CD36: variants seen among roughly 807,000 people sequenced by gnomAD.
The protein encoded by CD36 is CD36 molecule (CD36 blood group).
Under a neutral mutation model 55.2 loss-of-function variants are expected in CD36, and 119 were observed. That is an observed-to-expected ratio of 2.15 (90% confidence interval 1.86 to 2.51). CD36 has a LOEUF of 2.51. Ranked by LOEUF, CD36 falls within the 30% of genes most tolerant of loss-of-function variation. The pLI is 0.00. For synonymous variants in CD36, 186 were observed against 193.6 expected (o/e 0.96, Z 0.33); for missense variants, 819 against 555.5 (o/e 1.47, Z -4.77).
chr7:80,612,430 A>G (rs1369590476), intron 1 of CD36, among the ~76,000 whole-genome samples: 1 of 152,248 alleles, frequency 6.6e-6, no homozygotes, highest in Non-Finnish European at 1.5e-5. Context: ...TATATAAAAT[A>G]CAATGAAATG....
intron 1 of CD36, among the ~76,000 whole-genome samples, chr7:80,618,069 T>A (rs1400093772): frequency 2.0e-5 from 3 of 152,204 alleles, no homozygotes; most frequent in Non-Finnish European, 4.4e-5. Flanking sequence ...TGGTTTTTTT[T>A]ACACTGTTTC....
intron 10 of CD36, among the ~76,000 whole-genome samples, chr7:80,671,551 T>C (rs1005216557): frequency 3.9e-5 from 6 of 152,090 alleles, no homozygotes; most frequent in Non-Finnish European, 8.8e-5. Flanking sequence ...CTAACTTTTT[T>C]CACTAGAAAA....
intron 1 of CD36, among the ~76,000 whole-genome samples, chr7:80,612,058 C>G (rs1792903808): frequency 6.6e-6 from 1 of 152,216 alleles, no homozygotes; most frequent in Non-Finnish European, 1.5e-5. Context: ...ACAGCAAGAC[C>G]TAGCTAATAA....
intron 7 of CD36, among the ~76,000 whole-genome samples, chr7:80,665,274 C>T (rs1452056421): frequency 6.6e-6 from 1 of 151,438 alleles, no homozygotes; most frequent in African/African-American, 2.4e-5. Flanking sequence ...AGGAAGAACC[C>T]TAATAAATAT....
At chr7:80,669,862 A>G (rs1239493974) in intron 8 of CD36, 91 bp from the exon 9 acceptor site, 21 of 882,502 alleles carry the variant, frequency 2.4e-5, no homozygotes, top group Admixed American at 5.1e-5. Context: ...TTTGCATTAC[A>G]TTTCTATGGA....
intron 1 of CD36, among the ~76,000 whole-genome samples, chr7:80,620,955 A>G (rs1459621693): frequency 6.6e-6 from 1 of 152,216 alleles, no homozygotes; most frequent in African/African-American, 2.4e-5. Context: ...TACTTTGGGT[A>G]AAATGTTATC....
intron 1 of CD36, among the ~76,000 whole-genome samples, chr7:80,640,502 G>T (rs1309390328): frequency 1.3e-5 from 2 of 151,932 alleles, no homozygotes; most frequent in African/African-American, 4.8e-5. Context: ...AGAGAAAACT[G>T]TATCACAGAC....
At chr7:80,641,397 A>T (rs947391156) in intron 1 of CD36, among the ~76,000 whole-genome samples, 4 of 152,090 alleles carry the variant, frequency 2.6e-5, no homozygotes, top group African/African-American at 7.2e-5. Flanking sequence ...TTCTATACTC[A>T]TGCAAACCGT....
intron 1 of CD36, among the ~76,000 whole-genome samples, chr7:80,617,007 A>T (rs959542751): frequency 1.3e-5 from 2 of 152,206 alleles, no homozygotes; most frequent in Non-Finnish European, 2.9e-5. Flanking sequence ...TTGTGGCTAA[A>T]ACTAATCAAT....
At chr7:80,617,395 A>G (rs1422967549) in intron 1 of CD36, among the ~76,000 whole-genome samples, 2 of 152,092 alleles carry the variant, frequency 1.3e-5, no homozygotes, top group East Asian at 3.9e-4. Flanking sequence ...AAAAAAAATA[A>G]AATATATGTA....
rs751314404 is a variant in CD36 at position 80,671,948 on chromosome 7, C to T, written c.1033C>T (p.His345Tyr). ...GAGACCTGTGTACATTTCACTTCCT[C>T]ATTTTCTGTATGCAAGTCCTGATGT... ...EGRPVYISLPHFLYASPDVSE... is the reference protein window; with the variant it reads ...EGRPVYISLPYFLYASPDVSE... The change falls in exon 11 of 15, where the codon CAT becomes TAT. Residue 345 changes from histidine to tyrosine, a missense_variant. Transcript: ENST00000447544. 6.2e-7 allele frequency: 1 copy of T among 1,611,406 alleles called. No homozygotes were observed. Among genetic ancestry groups the T allele is most frequent in the East Asian group, 2.2e-5 (1 of 44,674 alleles).
At chr7:80,652,470 T>C (rs1452992055) in intron 3 of CD36, among the ~76,000 whole-genome samples, 2 of 152,220 alleles carry the variant, frequency 1.3e-5, no homozygotes, top group African/African-American at 4.8e-5. Flanking sequence ...TCTGCATAAC[T>C]GTCACTACAA....
At chr7:80,610,498 G>A (rs1047993379) in intron 1 of CD36, among the ~76,000 whole-genome samples, 19 of 152,014 alleles carry the variant, frequency 1.2e-4, no homozygotes, top group South Asian at 2.1e-4. Flanking sequence ...AAGTTTTAGC[G>A]AAACAGAATT....
intron 1 of CD36, among the ~76,000 whole-genome samples, chr7:80,639,421 T>C (rs1794663266): frequency 6.6e-6 from 1 of 151,772 alleles, no homozygotes; most frequent in Admixed American, 6.6e-5. Flanking sequence ...ATAAAGTTAA[T>C]TTTTTTTCGA....
At position 80,677,620 on chromosome 7, in the gene CD36, A is replaced by C. The variant is rs2116948918; in HGVS notation, c.*1237A>C. 1 of 152,318 alleles carries C rather than the reference A, an allele frequency of 6.6e-6. No individual in the cohort carries two copies. Among genetic ancestry groups the C allele is most frequent in the East Asian group, 1.9e-4 (1 of 5,170 alleles). 9.4% of individuals were successfully genotyped at this position (152,318 alleles called of 1,614,324 possible). ...GATAAAAGAAGTATCTGTCCAAGAT[A>C]TTAATATGTAAGATAACATTGTAGA... On this transcript the variant is annotated 3_prime_UTR_variant, in exon 15 of 15. Transcript: ENST00000447544.
intron 8 of CD36, 132 bp downstream of exon 8, chr7:80,666,621 A>G: frequency 1.4e-6 from 1 of 730,922 alleles, no homozygotes; most frequent in Non-Finnish European, 2.5e-6. Context: ...AACAAAATTC[A>G]GAGTCACTAT....
chr7:80,618,466 C>T (rs1793287503), intron 1 of CD36, among the ~76,000 whole-genome samples: 1 of 152,084 alleles, frequency 6.6e-6, no homozygotes, highest in African/African-American at 2.4e-5. Context: ...GTGAGGAAGG[C>T]ATATTGAAAG....
chr7:80,673,776 T>TGAATCCTAGTACATTGAAGA lies in CD36; in HGVS notation c.1255-205_1255-186dup. On this transcript the variant is annotated intron_variant, in intron 13 of 14. Transcript: ENST00000447544. Reference sequence around the variant, plus strand: ...CCCTTTGATAGTTCTGAAGAGCAAATGAATCCTAGTACATTGAAGAGTACC... The same window carrying TGAATCCTAGTACATTGAAGA: ...CCCTTTGATAGTTCTGAAGAGCAAATGAATCCTAGTACATTGAAGAGAATCCTAGTACATTGAAGAGTACC... 1.0e-5 allele frequency: 6 copies of TGAATCCTAGTACATTGAAGA among 595,966 alleles called. No individual in the cohort carries two copies. In the South Asian group the frequency reaches 1.2e-4, roughly 12 times the overall value. 36.9% of individuals were successfully genotyped at this position (595,966 alleles called of 1,614,324 possible).
At chr7:80,665,543 G>A (rs943947161) in intron 7 of CD36, among the ~76,000 whole-genome samples, 1 of 145,978 alleles carries the variant, frequency 6.9e-6, no homozygotes, top group Non-Finnish European at 1.6e-5. Flanking sequence ...ACACTTCTAA[G>A]TATTCACTTA....
Sources: gnomAD v4.1 joint callset for allele counts (sites outside exome capture counted in the v4.1 genomes callset) on GRCh38, gnomAD v4.1.1 for gene constraint, MANE v1.5 for transcripts, NCBI Gene and HGNC (gene_info 2026-07-23, HGNC 2026-07-21) for gene names.